Variants in SI observed in about 807,000 individuals in gnomAD.
SI encodes the protein sucrase-isomaltase.
In SI, 235 loss-of-function variants were observed where a neutral mutation model predicts 253.3. The ratio of observed to expected loss-of-function variants is 0.93; its 90% CI spans 0.83 to 1.03. The LOEUF is 1.03. Ranked by LOEUF, SI falls within the 50% of genes least tolerant of loss-of-function variation. SI has a pLI of 0.00. For synonymous variants in SI, 819 were observed against 712.0 expected (o/e 1.15, Z -2.39); for missense variants, 2,442 against 2,211.1 (o/e 1.10, Z -2.09).
intron 15 of SI, among the ~76,000 whole-genome samples, chr3:165,048,808 G>T (rs1713273206): frequency 6.6e-6 from 1 of 151,808 alleles, no homozygotes; most frequent in African/African-American, 2.4e-5. Context: ...ATAGAGACTG[G>T]GTTTCGCCAT....
At chr3:165,002,180 G>C (rs893211473) in intron 37 of SI, among the ~76,000 whole-genome samples, 1 of 151,512 alleles carries the variant, frequency 6.6e-6, no homozygotes, top group Non-Finnish European at 1.5e-5. Flanking sequence ...TTGAATATTT[G>C]TCCGAAATTT....
At chr3:165,059,106 CA>C in intron 11 of SI, 24 bp from the exon 12 acceptor site, 1 of 1,593,084 alleles carries the variant, frequency 6.3e-7, no homozygotes, top group East Asian at 2.3e-5. Context: ...GCAGAAACTG[CA>C]AAATCTATTA....
intron 27 of SI, among the ~76,000 whole-genome samples, chr3:165,020,673 TA>T (rs1711554623): frequency 1.3e-5 from 2 of 151,538 alleles, no homozygotes; most frequent in South Asian, 2.1e-4. Context: ...ATGGCAAACT[TA>T]AATTACATAA....
At chr3:165,048,117 A>G (rs1252548636) in intron 15 of SI, among the ~76,000 whole-genome samples, 2 of 152,112 alleles carry the variant, frequency 1.3e-5, no homozygotes, top group Non-Finnish European at 2.9e-5. Flanking sequence ...AGTGGTTAAG[A>G]GTTCTGGTAT....
At chr3:165,033,533 A>G in intron 22 of SI, 89 bp from the exon 23 acceptor site, 1 of 1,197,040 alleles carries the variant, frequency 8.4e-7, no homozygotes, top group African/African-American at 1.6e-5. Flanking sequence ...AAGAAATTTG[A>G]ACAAACTAGA....
At chr3:165,038,111 G>A (rs988135793) in intron 20 of SI, 87 bp from the exon 21 acceptor site, 4 of 1,229,164 alleles carry the variant, frequency 3.3e-6, no homozygotes, top group South Asian at 1.3e-5. Flanking sequence ...TTTTTATTAT[G>A]AGCAATTCAT....
At chr3:165,018,834 A>G (rs765539379) in intron 28 of SI, among the ~76,000 whole-genome samples, 2 of 151,670 alleles carry the variant, frequency 1.3e-5, no homozygotes, top group Non-Finnish European at 3.0e-5. Context: ...TAGTGTTAAT[A>G]GAAAACAGCC....
chr3:164,986,058 A>C (rs2108114895), intron 45 of SI, among the ~76,000 whole-genome samples: 1 of 152,268 alleles, frequency 6.6e-6, no homozygotes, highest in East Asian at 1.9e-4. Flanking sequence ...ACAAGCCAAA[A>C]GAGTAGATAT....
At chr3:165,000,584 C>G (rs1218787590) in intron 37 of SI, among the ~76,000 whole-genome samples, 2 of 151,254 alleles carry the variant, frequency 1.3e-5, no homozygotes, top group East Asian at 3.9e-4. Flanking sequence ...TAAAATAAAA[C>G]TATAAAATAA....
At chr3:165,070,258 A>G (rs1053272252) in intron 3 of SI, among the ~76,000 whole-genome samples, 4 of 143,434 alleles carry the variant, frequency 2.8e-5, no homozygotes, top group Non-Finnish European at 6.0e-5. Flanking sequence ...ATTTTTATGT[A>G]TAATAAATAT....
At position 165,040,980 on chromosome 3, in the gene SI, G is replaced by C; in HGVS notation, c.2119C>G (p.His707Asp). 6.2e-7 allele frequency: 1 copy of C among 1,612,120 alleles called. No individual in the cohort carries two copies. Among genetic ancestry groups the C allele is most frequent in the Non-Finnish European group, 8.5e-7 (1 of 1,178,570 alleles). The change falls in exon 18 of 48, where the codon CAT becomes GAT. Residue 707 changes from histidine to aspartate, a missense_variant. By Grantham distance (81) the His-to-Asp change is moderately conservative (BLOSUM62 -1). Coordinates refer to ENST00000264382, the MANE Select transcript of SI (RefSeq NM_001041.4). ...CTTGCTACTGTTTCTCCAAACACAT[G>C]GGCTTTATAAAACAGAGTGTAGAGG... is the stretch of plus-strand genomic sequence containing the variant. ...PFLYTLFYKA[H>D]VFGETVARPV...
Position 165,063,531 on chromosome 3 carries a change from T to C in SI, c.818A>G (p.Asn273Ser). 7.0e-7 allele frequency: 1 copy of C among 1,435,214 alleles called. No homozygotes were observed. Among genetic ancestry groups the C allele is most frequent in the Non-Finnish European group, 9.7e-7 (1 of 1,026,360 alleles). The allele number at this position is 1,435,214 out of a possible 1,614,324, so 88.9% of individuals were successfully genotyped here. ...RDQLPGDNNN[N>S]LYGHQTFFMC... Reference sequence around the variant, plus strand: ...AAAGAATGTTTGATGGCCGTATAAATTATTATTATTCTATAAGGCAAGAAT... The same window carrying C: ...AAAGAATGTTTGATGGCCGTATAAACTATTATTATTCTATAAGGCAAGAAT... The change falls in exon 8 of 48, where the codon AAT becomes AGT. Residue 273 changes from asparagine to serine, a missense_variant. Transcript: ENST00000264382.
intron 3 of SI, among the ~76,000 whole-genome samples, chr3:165,071,007 G>A (rs932967670): frequency 3.9e-5 from 6 of 151,938 alleles, no homozygotes; most frequent in Non-Finnish European, 7.4e-5. Flanking sequence ...CCATTTCACA[G>A]GGCTTTCTTC....
chr3:165,031,121 T>A (rs1178430255), intron 24 of SI, among the ~76,000 whole-genome samples: 3 of 149,506 alleles, frequency 2.0e-5, no homozygotes, highest in African/African-American at 7.3e-5. Context: ...GTCACACACA[T>A]AGAATTATGT....
intron 44 of SI, among the ~76,000 whole-genome samples, chr3:164,987,647 T>G (rs1274810689): frequency 6.6e-6 from 1 of 151,894 alleles, no homozygotes; most frequent in Non-Finnish European, 1.5e-5. Flanking sequence ...AGGTGGAGGT[T>G]CCAGTGAGCC....
intron 17 of SI, 65 bp downstream of exon 17, chr3:165,042,994 T>G (rs746774414): frequency 2.1e-6 from 2 of 951,120 alleles, no homozygotes; most frequent in Non-Finnish European, 1.7e-6. Context: ...AGATTTAATT[T>G]AAGTACATTA....
intron 13 of SI, among the ~76,000 whole-genome samples, chr3:165,051,831 ATTT>A (rs370121549): frequency 6.6e-6 from 1 of 151,810 alleles, no homozygotes; most frequent in Non-Finnish European, 1.5e-5. Flanking sequence ...AAGGATGAAA[ATTT>A]TTTTTAGAAA....
At position 165,038,167 on chromosome 3, in the gene SI, A is replaced by AT. The variant is rs140516795; in HGVS notation, c.2302-144dup. The AT allele has an allele frequency of 7.5e-3, 4,957 of 660,922 alleles. 4 individuals carry two copies. Among genetic ancestry groups the AT allele is most frequent in the South Asian group, 0.013 (477 of 37,966 alleles). 40.9% of individuals were successfully genotyped at this position (660,922 alleles called of 1,614,324 possible). A position where few individuals can be genotyped will look rare whatever the true frequency, so the allele number is the denominator to read the frequency against. On this transcript the variant is annotated intron_variant, in intron 20 of 47. Transcript: ENST00000264382. ...TATATTGTTTTCTAACTTTAGGAGA[A>AT]TTTTTTTTTTCAGTTTGCTGAACAA... is the stretch of plus-strand genomic sequence containing the variant.
chr3:165,017,690 T>C lies in SI; in HGVS notation c.3634-17A>G, dbSNP rs1719104169. ...GCCAATTACCTTTAAAAAAAATTCA[T>C]GTGTGAACTAAGAGAATTACTTTAT... On this transcript the variant is annotated splice_polypyrimidine_tract_variant and intron_variant, in intron 30 of 47. Coordinates refer to ENST00000264382, the MANE Select transcript of SI (RefSeq NM_001041.4). 4.3e-6 allele frequency: 7 copies of C among 1,611,524 alleles called. No homozygotes were observed. Among genetic ancestry groups the C allele is most frequent in the Non-Finnish European group, 5.1e-6 (6 of 1,178,172 alleles).
Sources: gnomAD v4.1 joint callset for allele counts (sites outside exome capture counted in the v4.1 genomes callset) on GRCh38, gnomAD v4.1.1 for gene constraint, MANE v1.5 for transcripts, NCBI Gene and HGNC (gene_info 2026-07-23, HGNC 2026-07-21) for gene names.